C10orf90: variants seen among roughly 807,000 people sequenced by gnomAD.
C10orf90 encodes the protein (E2-independent) E3 ubiquitin-conjugating enzyme FATS.
In C10orf90, 56 loss-of-function variants were observed where a neutral mutation model predicts 62.5. The ratio of observed to expected loss-of-function variants is 0.90; its 90% confidence interval spans 0.72 to 1.12. The LOEUF (loss-of-function observed/expected upper bound fraction) is 1.12, where lower values mean the gene tolerates loss of function less well. Ranked by LOEUF, C10orf90 falls within the 50% of genes most tolerant of loss-of-function variation. C10orf90 has a pLI of 0.00. For synonymous variants in C10orf90, 386 were observed against 340.4 expected, an observed-to-expected ratio of 1.13 and a Z score of -1.47; for missense variants, 970 against 880.4, an observed-to-expected ratio of 1.10 and a Z score of -1.29.
At chr10:126,486,995 A>T (rs1417870067) in intron 4 of C10orf90, among the ~76,000 whole-genome samples, 1 of 151,876 alleles carries the variant, frequency 6.6e-6, no homozygotes, top group Non-Finnish European at 1.5e-5. Context: ...ATACAAAAAA[A>T]GTAGCTGGGT....
chr10:126,594,442 T>C (rs1011364352), intron 2 of C10orf90, among the ~76,000 whole-genome samples: 3 of 152,172 alleles, frequency 2.0e-5, no homozygotes, highest in Non-Finnish European at 1.5e-5. Context: ...TCCTGAGTTA[T>C]GTGACTCACT....
chr10:126,605,579 C>A (rs1363204337), intron 2 of C10orf90, among the ~76,000 whole-genome samples: 1 of 152,172 alleles, frequency 6.6e-6, no homozygotes, highest in Non-Finnish European at 1.5e-5. Flanking sequence ...CCTCGCAGCT[C>A]CTAGCCCCTA....
intron 7 of C10orf90, among the ~76,000 whole-genome samples, chr10:126,452,343 T>G (rs1482920106): frequency 6.6e-6 from 1 of 152,194 alleles, no homozygotes; most frequent in Admixed American, 6.5e-5. Flanking sequence ...ACAAGTCTGA[T>G]AGTGTAACTT....
At chr10:126,666,814 T>C (rs1846637196) in intron 1 of C10orf90, among the ~76,000 whole-genome samples, 1 of 151,556 alleles carries the variant, frequency 6.6e-6, no homozygotes, top group Non-Finnish European at 1.5e-5. Context: ...CCATCTCTAC[T>C]AAAAGTACAA....
intron 1 of C10orf90, among the ~76,000 whole-genome samples, chr10:126,653,240 T>A (rs1192993041): frequency 1.3e-5 from 2 of 152,224 alleles, no homozygotes; most frequent in Admixed American, 1.3e-4. Flanking sequence ...AATTGACTCT[T>A]CCTTTCACGA....
intron 2 of C10orf90, among the ~76,000 whole-genome samples, chr10:126,535,471 C>G (rs1864210535): frequency 1.3e-5 from 2 of 150,306 alleles, no homozygotes; most frequent in South Asian, 4.2e-4. Flanking sequence ...GAGCTGAGAT[C>G]ACGCCACTGC....
At chr10:126,647,852 T>C (rs111445037) in intron 1 of C10orf90, among the ~76,000 whole-genome samples, 8 of 152,198 alleles carry the variant, frequency 5.3e-5, no homozygotes, top group Non-Finnish European at 8.8e-5. Flanking sequence ...AGCCTTCAGT[T>C]TGGTAACAGG....
intron 1 of C10orf90, among the ~76,000 whole-genome samples, chr10:126,659,399 GC>G: frequency 6.6e-6 from 1 of 152,330 alleles, no homozygotes; most frequent in East Asian, 1.9e-4. Flanking sequence ...CAATGCACTT[GC>G]CCCTGGCTGC....
At chr10:126,613,778 C>T (rs1394490705) in intron 2 of C10orf90, among the ~76,000 whole-genome samples, 4 of 152,230 alleles carry the variant, frequency 2.6e-5, no homozygotes, top group South Asian at 4.2e-4. Flanking sequence ...GACTGAAGGG[C>T]GAGGGAAACC....
chr10:126,590,530 A>G (rs190511641), intron 2 of C10orf90, among the ~76,000 whole-genome samples: 2 of 152,348 alleles, frequency 1.3e-5, no homozygotes, highest in East Asian at 3.9e-4. Flanking sequence ...AATATTAAGA[A>G]TCTCACTCAA....
rs756932045 is a variant in C10orf90 at position 126,504,804 on chromosome 10, G to GC, written c.686dup (p.Arg231ProfsTer37). On this transcript the variant is annotated frameshift_variant, in exon 4 of 10. Transcript: ENST00000488181. LOFTEE classifies it high-confidence loss of function. The surrounding 1 kb of genome is among the most constrained non-coding windows in gnomAD (Gnocchi z 4.1). The stretch of plus-strand genomic sequence containing the variant: ...TGATGGATGCAAACCCTCTGCGGGG[G>GC]CCCCCACAGGGTCTCTCCTCTTTGG... The GC allele has an allele frequency of 4.1e-5, 65 of 1,587,228 alleles. No individual in the cohort carries two copies. The highest frequency in any genetic ancestry group is 4.7e-5 in the Non-Finnish European group (55 of 1,166,118).
chr10:126,484,907 C>A (rs1473508833), intron 4 of C10orf90, among the ~76,000 whole-genome samples: 2 of 152,238 alleles, frequency 1.3e-5, no homozygotes, highest in African/African-American at 4.8e-5. Flanking sequence ...CTTTTAATAA[C>A]AGGGAAAACA....
At chr10:126,545,122 C>T (rs1864461550) in intron 2 of C10orf90, among the ~76,000 whole-genome samples, 1 of 152,184 alleles carries the variant, frequency 6.6e-6, no homozygotes, top group Non-Finnish European at 1.5e-5. Flanking sequence ...CCCCGCTTCC[C>T]ATGCCCTCCT....
intron 4 of C10orf90, among the ~76,000 whole-genome samples, chr10:126,490,079 TAATA>T (rs1291215163): frequency 6.5e-5 from 8 of 122,616 alleles, no homozygotes; most frequent in East Asian, 2.1e-4. Context: ...ATATATAATA[TAATA>T]ATAATATATA....
At chr10:126,478,338 C>T (rs906166544) in intron 4 of C10orf90, among the ~76,000 whole-genome samples, 6 of 152,302 alleles carry the variant, frequency 3.9e-5, no homozygotes, top group South Asian at 2.1e-4. Context: ...ACAGGCTGAT[C>T]GCCATCCTGC....
intron 2 of C10orf90, among the ~76,000 whole-genome samples, chr10:126,644,201 C>G (rs1167237962): frequency 6.6e-6 from 1 of 152,220 alleles, no homozygotes; most frequent in African/African-American, 2.4e-5. Context: ...TTTAATTTTC[C>G]ATCAGCTGAG....
At chr10:126,650,343 A>G (rs1037042385) in intron 1 of C10orf90, among the ~76,000 whole-genome samples, 5 of 152,226 alleles carry the variant, frequency 3.3e-5, no homozygotes, top group African/African-American at 1.2e-4. Context: ...AAAAGATTTA[A>G]GAACCATTTT....
chr10:126,649,078 C>CCA (rs1554932172), intron 1 of C10orf90, among the ~76,000 whole-genome samples: 43 of 106,100 alleles, frequency 4.1e-4, no homozygotes, highest in African/African-American at 1.4e-3. Context: ...CTCTCCCCCC[C>CCA]CCCCAGCAAT....
chr10:126,429,929 A>G, intron 7 of C10orf90, 79 bp from the exon 8 acceptor site: 1 of 1,249,758 alleles, frequency 8.0e-7, no homozygotes, highest in South Asian at 1.2e-5. Context: ...TGATTAGTTC[A>G]TAATCCGTTA....
Sources: gnomAD v4.1 joint callset for allele counts (sites outside exome capture counted in the v4.1 genomes callset) on GRCh38, gnomAD v4.1.1 for gene constraint, Gnocchi (gnomAD v3.1) non-coding constraint, MANE v1.5 for transcripts, NCBI Gene and HGNC (gene_info 2026-07-23, HGNC 2026-07-21) for gene names.